The following GYS2 variants were observed in gnomAD, a reference collection of about 807,000 sequenced individuals.
GYS2 encodes glycogen synthase 2, also known as glycogen [starch] synthase, liver.
GYS2 carries 80 observed loss-of-function variants against 85.6 expected under a neutral mutation model. The ratio of observed to expected loss-of-function variants is 0.93; its 90% CI spans 0.78 to 1.13. GYS2 has a LOEUF of 1.13. GYS2 is among the 50% of genes most tolerant of loss of function. The probability of loss-of-function intolerance (pLI) is 0.00; values close to 1 mark genes in which losing one functional copy is unlikely to be tolerated. For synonymous variants in GYS2, 328 were observed against 300.7 expected, an observed-to-expected ratio of 1.09 and a Z score of -0.94; for missense variants, 881 against 854.9, an observed-to-expected ratio of 1.03 and a Z score of -0.38.
At chr12:21,560,607 A>G in intron 7 of GYS2, 115 bp from the exon 8 acceptor site, 1 of 702,150 alleles carries the variant, frequency 1.4e-6, no homozygotes, top group Non-Finnish European at 2.6e-6. Context: ...TAAAAGGTAT[A>G]GTTATTTATG....
chr12:21,568,619 G>A (rs778056440), intron 5 of GYS2, among the ~76,000 whole-genome samples: 1 of 152,158 alleles, frequency 6.6e-6, no homozygotes, highest in Non-Finnish European at 1.5e-5. Flanking sequence ...GTCATACCAA[G>A]GTTATTTCAA....
At chr12:21,555,640 G>A (rs943957616) in intron 11 of GYS2, among the ~76,000 whole-genome samples, 22 of 152,132 alleles carry the variant, frequency 1.4e-4, no homozygotes, top group Admixed American at 1.3e-3. Flanking sequence ...ATCACATCCA[G>A]ACAATGAGAT....
intron 14 of GYS2, among the ~76,000 whole-genome samples, chr12:21,539,787 G>T (rs559314660): frequency 1.3e-5 from 2 of 152,312 alleles, no homozygotes; most frequent in South Asian, 4.1e-4. Flanking sequence ...TAATCATCCA[G>T]GTTGTAATGA....
At chr12:21,567,872 A>G (rs1944340213) in intron 5 of GYS2, among the ~76,000 whole-genome samples, 1 of 152,100 alleles carries the variant, frequency 6.6e-6, no homozygotes, top group South Asian at 2.1e-4. Flanking sequence ...CAGGAGTTCA[A>G]GACCAGCCTG....
chr12:21,604,766 T>A lies in GYS2; in HGVS notation c.-174A>T, dbSNP rs559088701. The A allele has an allele frequency of 2.1e-6, 3 of 1,415,826 alleles. No individual in the cohort carries two copies. Among genetic ancestry groups the A allele is most frequent in the Non-Finnish European group, 2.8e-6 (3 of 1,080,644 alleles). 87.7% of individuals were successfully genotyped at this position (1,415,826 alleles called of 1,614,324 possible). A position where few individuals can be genotyped will look rare whatever the true frequency, so the allele number is the denominator to read the frequency against. ...TCTTATGTGCTTCCCACAGAATTCCTGGTGGAAGGAGGAATTCTTCCTCCT... is the reference window on the plus strand; with the variant it reads ...TCTTATGTGCTTCCCACAGAATTCCAGGTGGAAGGAGGAATTCTTCCTCCT... On this transcript the variant is annotated 5_prime_UTR_variant, in exon 1 of 16. Transcript: ENST00000261195.
At chr12:21,599,711 T>C (rs927942148) in intron 1 of GYS2, among the ~76,000 whole-genome samples, 3 of 152,216 alleles carry the variant, frequency 2.0e-5, no homozygotes, top group Admixed American at 6.5e-5. Context: ...CATCCCGTGA[T>C]TGAAGTAACA....
chr12:21,543,750 A>C (rs2054435), intron 12 of GYS2, among the ~76,000 whole-genome samples: 1 of 151,876 alleles, frequency 6.6e-6, no homozygotes, highest in African/African-American at 2.4e-5. Flanking sequence ...ACCTCGCCCC[A>C]CAACCCGACA....
In GYS2 at chr12:21,568,964, A is replaced by AC; in HGVS notation, c.723dup (p.Tyr242ValfsTer19). 29 of 1,613,960 alleles carry AC rather than the reference A, an allele frequency of 1.8e-5. No homozygotes were observed. The highest frequency in any genetic ancestry group is 2.5e-5 in the Non-Finnish European group (29 of 1,179,816). On this transcript the variant is annotated frameshift_variant, in exon 5 of 16. Coordinates refer to ENST00000261195, the MANE Select transcript of GYS2 (RefSeq NM_021957.4). LOFTEE classifies it high-confidence loss of function. ...TGAACGGAAGCTCGCTCCATGCAGT[A>AC]CCGGTGGTAAATCTGCCTTTCCCCA... is the stretch of plus-strand genomic sequence containing the variant.
intron 9 of GYS2, 120 bp downstream of exon 9, chr12:21,559,531 T>C: frequency 1.4e-6 from 1 of 709,388 alleles, no homozygotes; most frequent in South Asian, 1.6e-5. Context: ...ATAACACATT[T>C]TCAAAGGTTA....
At chr12:21,560,058 C>G (rs144740195) in intron 8 of GYS2, among the ~76,000 whole-genome samples, 2 of 152,096 alleles carry the variant, frequency 1.3e-5, no homozygotes, top group African/African-American at 4.8e-5. Flanking sequence ...TATGAGTATA[C>G]AGGGAGTCAT....
intron 11 of GYS2, among the ~76,000 whole-genome samples, chr12:21,550,533 C>T (rs1020594090): frequency 7.2e-5 from 11 of 152,138 alleles, no homozygotes; most frequent in African/African-American, 2.2e-4. Flanking sequence ...GACTCTGATG[C>T]CTTTCTCTGG....
rs542928350 is a variant in GYS2 at position 21,584,483 on chromosome 12, G to A, written c.122-3960C>T. Among the ~76,000 whole-genome samples, 8 of 152,272 alleles carry A rather than the reference G, an allele frequency of 5.3e-5. 1 individual carries two copies. The highest frequency in any genetic ancestry group is 3.9e-4 in the East Asian group (2 of 5,176). On this transcript the variant is annotated intron_variant, in intron 1 of 15. Transcript: ENST00000261195. ...CTTTTCCCAGGCCACTCATGTCATC[G>A]TCCAATGGACCCATGAACAAAGTGG...
chr12:21,543,676 A>G (rs1944005655), intron 12 of GYS2, among the ~76,000 whole-genome samples: 2 of 152,004 alleles, frequency 1.3e-5, no homozygotes, highest in Non-Finnish European at 2.9e-5. Flanking sequence ...TGCTGCACCT[A>G]TCAACCCATC....
chr12:21,537,347 T>C, intron 15 of GYS2, 172 bp from the exon 16 acceptor site: 1 of 646,090 alleles, frequency 1.5e-6, no homozygotes, highest in Non-Finnish European at 2.8e-6. Flanking sequence ...CAAGAGGGAT[T>C]CATTCAATAT....
intron 12 of GYS2, among the ~76,000 whole-genome samples, chr12:21,545,920 A>G (rs1944033211): frequency 6.6e-6 from 1 of 152,240 alleles, no homozygotes; most frequent in African/African-American, 2.4e-5. Flanking sequence ...ATTAAATTTT[A>G]AAAAGAATTA....
intron 1 of GYS2, among the ~76,000 whole-genome samples, chr12:21,582,215 A>G (rs998836268): frequency 1.3e-5 from 2 of 152,182 alleles, no homozygotes; most frequent in Non-Finnish European, 2.9e-5. Flanking sequence ...GGACTGAAGG[A>G]TGCAAAGTAA....
chr12:21,557,949 T>C (rs1944203413), intron 11 of GYS2, among the ~76,000 whole-genome samples: 1 of 152,206 alleles, frequency 6.6e-6, no homozygotes, highest in Non-Finnish European at 1.5e-5. Flanking sequence ...TTATGCTTAT[T>C]AGCAGTATTG....
At chr12:21,555,501 C>T (rs1370601934) in intron 11 of GYS2, among the ~76,000 whole-genome samples, 1 of 152,074 alleles carries the variant, frequency 6.6e-6, no homozygotes, top group Non-Finnish European at 1.5e-5. Flanking sequence ...AGAAATAATA[C>T]TTACTGGTTT....
intron 7 of GYS2, among the ~76,000 whole-genome samples, chr12:21,561,045 G>C (rs1944246882): frequency 6.6e-6 from 1 of 151,920 alleles, no homozygotes; most frequent in Non-Finnish European, 1.5e-5. Context: ...GTTGTATTTT[G>C]GTTTTTAGCC....
Sources: gnomAD v4.1 joint callset for allele counts (sites outside exome capture counted in the v4.1 genomes callset) on GRCh38, gnomAD v4.1.1 for gene constraint, MANE v1.5 for transcripts, NCBI Gene and HGNC (gene_info 2026-07-23, HGNC 2026-07-21) for gene names.